Variants in TMTC2 observed in about 807,000 individuals in gnomAD.
The protein encoded by TMTC2 is transmembrane O-mannosyltransferase targeting cadherins 2.
TMTC2 carries 43 observed loss-of-function variants against 82.4 expected under a neutral mutation model. The observed-to-expected ratio is 0.52, with a 90% CI of 0.41 to 0.67. The LOEUF (loss-of-function observed/expected upper bound fraction) is 0.67, where lower values mean the gene tolerates loss of function less well. Among genes scored for constraint, TMTC2 ranks in the 30% least tolerant of loss-of-function variants. The pLI, the probability that TMTC2 is intolerant of heterozygous loss-of-function variation, is 0.00. For missense variants in TMTC2, 919 were observed against 1,012.4 expected (o/e 0.91, Z 1.25); for synonymous variants, 408 against 381.9 (o/e 1.07, Z -0.80).
At position 83,081,992 on chromosome 12, in the gene TMTC2, T is replaced by G. The variant is rs538127927; in HGVS notation, c.2331+20161T>G. Among the ~76,000 whole-genome samples, 3 of 152,284 alleles carry G rather than the reference T, an allele frequency of 2.0e-5. No individual in the cohort carries two copies. The South Asian group carries it at 6.2e-4, about 32-fold the overall frequency. On this transcript the variant is annotated intron_variant, in intron 11 of 11. Coordinates refer to ENST00000321196, the MANE Select transcript of TMTC2 (RefSeq NM_152588.3). ...GTGAGACCCTATCTCTAAAAAAAAT[T>G]TAAATGGCTTTAATGAAATTTTATT...
At chr12:82,859,729 G>T (rs1206578718) in intron 2 of TMTC2, among the ~76,000 whole-genome samples, 1 of 152,152 alleles carries the variant, frequency 6.6e-6, no homozygotes, top group Non-Finnish European at 1.5e-5. Context: ...CATGTTAAGA[G>T]AAAGGACTTA....
intron 8 of TMTC2, among the ~76,000 whole-genome samples, chr12:83,003,438 G>A (rs977724732): frequency 1.3e-5 from 2 of 152,096 alleles, no homozygotes; most frequent in South Asian, 2.1e-4. Flanking sequence ...ATTCATATGT[G>A]AGATTTTAGT....
At chr12:83,116,450 C>T (rs1337285885) in intron 11 of TMTC2, among the ~76,000 whole-genome samples, 1 of 152,172 alleles carries the variant, frequency 6.6e-6, no homozygotes, top group Non-Finnish European at 1.5e-5. Context: ...TGGGTAGATA[C>T]CCACTAGTGG....
At chr12:82,787,070 C>T (rs78061892) in intron 1 of TMTC2, among the ~76,000 whole-genome samples, 2,906 of 152,084 alleles carry the variant, frequency 0.019, 101 homozygotes, top group African/African-American at 0.066. Context: ...ATTGTGTTTT[C>T]GTTGGGGGCT....
chr12:83,092,329 G>A (rs911640507), intron 11 of TMTC2, among the ~76,000 whole-genome samples: 1 of 152,078 alleles, frequency 6.6e-6, no homozygotes, highest in African/African-American at 2.4e-5. Context: ...TTAGAGCATT[G>A]GCCTCTTCTG....
chr12:82,757,005 CT>C (rs1288691913), intron 1 of TMTC2, among the ~76,000 whole-genome samples: 1 of 152,146 alleles, frequency 6.6e-6, no homozygotes, highest in Non-Finnish European at 1.5e-5. Context: ...AAATCAAACT[CT>C]GATTTCCAGG....
chr12:82,866,036 C>T lies in TMTC2; in HGVS notation c.654+8456C>T, dbSNP rs1377176657. Among the ~76,000 whole-genome samples the T allele has an allele frequency of 2.6e-5, 4 of 152,034 alleles. No homozygotes were observed. In the East Asian group the frequency reaches 5.8e-4, roughly 22 times the overall value. On this transcript the variant is annotated intron_variant, in intron 2 of 11. Transcript: ENST00000321196. ...AGTGTGTAGAGGGAAATTTATAGCACGAAATGCCCTCAAGAGAAAGCAGGA... is the reference window on the plus strand; with the variant it reads ...AGTGTGTAGAGGGAAATTTATAGCATGAAATGCCCTCAAGAGAAAGCAGGA...
chr12:83,057,411 T>C (rs1446279888), intron 10 of TMTC2, among the ~76,000 whole-genome samples: 2 of 152,020 alleles, frequency 1.3e-5, no homozygotes, highest in African/African-American at 4.8e-5. Context: ...AGAGAAGTTT[T>C]CATCTAAGAA....
intron 8 of TMTC2, among the ~76,000 whole-genome samples, chr12:83,028,648 T>C (rs1881282833): frequency 6.6e-6 from 1 of 152,070 alleles, no homozygotes; most frequent in Non-Finnish European, 1.5e-5. Flanking sequence ...ATTAAAGAAA[T>C]TATAGTTACA....
At chr12:82,782,501 A>G (rs1310777649) in intron 1 of TMTC2, among the ~76,000 whole-genome samples, 2 of 152,112 alleles carry the variant, frequency 1.3e-5, no homozygotes, top group African/African-American at 4.8e-5. Context: ...CTCTAAACAG[A>G]GCTCTTTGGC....
At position 83,132,260 on chromosome 12, in the gene TMTC2, A is replaced by G; in HGVS notation, c.2382A>G (p.Arg794=). The G allele has an allele frequency of 6.2e-7, 1 of 1,613,422 alleles. No homozygotes were observed. Among genetic ancestry groups the G allele is most frequent in the Non-Finnish European group, 8.5e-7 (1 of 1,179,742 alleles). ...NLGAILHLNG[R]LQKAEANYLR... ...GAGCCATTCTGCACCTCAATGGCAG[A>G]CTCCAGAAGGCCGAGGCCAACTACC... Residue 794 remains arginine (R), a synonymous_variant, in exon 12 of 12, where the codon AGA becomes AGG. Transcript: ENST00000321196.
chr12:83,017,430 G>A (rs1456414451), intron 8 of TMTC2, among the ~76,000 whole-genome samples: 1 of 152,166 alleles, frequency 6.6e-6, no homozygotes, highest in African/African-American at 2.4e-5. Flanking sequence ...CAGTACATAT[G>A]TGGCCTAGTT....
At chr12:83,031,602 G>C (rs1881433535) in intron 9 of TMTC2, among the ~76,000 whole-genome samples, 1 of 152,166 alleles carries the variant, frequency 6.6e-6, no homozygotes, top group Non-Finnish European at 1.5e-5. Context: ...ATCCCTTGGG[G>C]GGAAAATGTG....
intron 3 of TMTC2, among the ~76,000 whole-genome samples, chr12:82,917,930 C>G (rs777287095): frequency 6.6e-6 from 1 of 151,910 alleles, no homozygotes; most frequent in Non-Finnish European, 1.5e-5. Flanking sequence ...CAGGGTCTCA[C>G]TCTGTCACCC....
intron 11 of TMTC2, among the ~76,000 whole-genome samples, chr12:83,122,025 T>A (rs964842606): frequency 3.3e-5 from 5 of 152,106 alleles, no homozygotes; most frequent in Admixed American, 1.3e-4. Context: ...GCACCGAGTC[T>A]GTTTCCAGGC....
chr12:83,088,396 A>T (rs1411055702), intron 11 of TMTC2, among the ~76,000 whole-genome samples: 1 of 152,164 alleles, frequency 6.6e-6, no homozygotes, highest in Non-Finnish European at 1.5e-5. Context: ...AACTTTGCTA[A>T]CTATTTGATA....
chr12:82,856,816 G>A (rs1161152360), intron 1 of TMTC2, among the ~76,000 whole-genome samples, 194 bp from the exon 2 acceptor site: 1 of 152,096 alleles, frequency 6.6e-6, no homozygotes, highest in Non-Finnish European at 1.5e-5. Context: ...TTTTAAGGAA[G>A]AGAAAAACAA....
At chr12:82,726,386 G>C (rs1240092513) in intron 1 of TMTC2, among the ~76,000 whole-genome samples, 1 of 152,062 alleles carries the variant, frequency 6.6e-6, no homozygotes, top group African/African-American at 2.4e-5. Context: ...TGACACTTGT[G>C]GTTCTTTTTC....
At chr12:82,838,113 T>C (rs1870147100) in intron 1 of TMTC2, among the ~76,000 whole-genome samples, 1 of 152,222 alleles carries the variant, frequency 6.6e-6, no homozygotes, top group Non-Finnish European at 1.5e-5. Flanking sequence ...CAAACTTCCC[T>C]ATCCTTCTTC....
Sources: allele counts gnomAD v4.1 joint callset (sites outside exome capture counted in the v4.1 genomes callset), GRCh38; gene constraint gnomAD v4.1.1; transcripts MANE v1.5; gene names NCBI Gene and HGNC (gene_info 2026-07-23, HGNC 2026-07-21).